Variants in TERF2 observed in about 807,000 individuals in gnomAD.
The protein encoded by TERF2 is telomeric repeat-binding factor 2.
Under a neutral mutation model 56.1 loss-of-function variants are expected in TERF2, and 16 were observed. The ratio of observed to expected loss-of-function variants is 0.29; its 90% confidence interval spans 0.19 to 0.43. The LOEUF is 0.43. TERF2 is among the 20% of genes least tolerant of loss of function. TERF2 has a pLI of 1.00. For synonymous variants in TERF2, 296 were observed against 282.1 expected, an observed-to-expected ratio of 1.05 and a Z score of -0.50; for missense variants, 547 against 712.9, an observed-to-expected ratio of 0.77 and a Z score of 2.65.
intron 5 of TERF2, among the ~76,000 whole-genome samples, chr16:69,369,906 G>A (rs368228858): frequency 3.9e-5 from 6 of 152,262 alleles, no homozygotes; most frequent in Admixed American, 1.3e-4. Context: ...AACCACCATC[G>A]ATTGCAAGTG....
intron 1 of TERF2, 44 bp from the exon 2 acceptor site, chr16:69,385,530 C>T: frequency 6.2e-7 from 1 of 1,612,216 alleles, no homozygotes; most frequent in Non-Finnish European, 8.5e-7. Context: ...CCAGTCCCGA[C>T]TCCCGGTCCC....
At chr16:69,378,805 T>C (rs1472796992) in intron 3 of TERF2, among the ~76,000 whole-genome samples, 1 of 152,192 alleles carries the variant, frequency 6.6e-6, no homozygotes, top group Non-Finnish European at 1.5e-5. Flanking sequence ...TTACTCTATG[T>C]TCTCCAGAAT....
At chr16:69,371,550 G>A (rs1294837910) in intron 4 of TERF2, among the ~76,000 whole-genome samples, 1 of 147,144 alleles carries the variant, frequency 6.8e-6, no homozygotes, top group African/African-American at 2.5e-5. Flanking sequence ...TGGGCATGAT[G>A]ATTCACGTAA....
intron 3 of TERF2, among the ~76,000 whole-genome samples, chr16:69,378,941 A>T (rs1050448631): frequency 1.4e-5 from 2 of 142,870 alleles, no homozygotes; most frequent in Non-Finnish European, 3.0e-5. Flanking sequence ...ACTATGTATT[A>T]ATTTCCTGTG....
At chr16:69,374,960 G>A (rs530711793) in intron 3 of TERF2, among the ~76,000 whole-genome samples, 14 of 152,164 alleles carry the variant, frequency 9.2e-5, no homozygotes, top group African/African-American at 2.9e-4. Context: ...GTGAGACTCC[G>A]TCTCAAAAAA....
intron 4 of TERF2, 75 bp from the exon 5 acceptor site, chr16:69,370,704 A>G: frequency 7.0e-7 from 1 of 1,427,510 alleles, no homozygotes; most frequent in Non-Finnish European, 9.5e-7. Context: ...GAGGTGAGAC[A>G]GACACTATGA....
chr16:69,382,085 G>T (rs567374970), intron 3 of TERF2, among the ~76,000 whole-genome samples: 2 of 152,262 alleles, frequency 1.3e-5, no homozygotes, highest in South Asian at 4.1e-4. Context: ...AAATGCCAAT[G>T]CATTGAAAAA....
At chr16:69,379,008 G>A (rs1192906179) in intron 3 of TERF2, among the ~76,000 whole-genome samples, 1 of 151,886 alleles carries the variant, frequency 6.6e-6, no homozygotes, top group African/African-American at 2.4e-5. Context: ...GTTCCCAGAA[G>A]TAAGTATAGT....
At chr16:69,360,158 G>A (rs1336707779) in intron 8 of TERF2, among the ~76,000 whole-genome samples, 9 of 151,972 alleles carry the variant, frequency 5.9e-5, no homozygotes, top group African/African-American at 2.2e-4. Flanking sequence ...AGGCTGAGGC[G>A]AGCAGATCAC....
At chr16:69,372,877 G>A (rs2013629600) in intron 3 of TERF2, among the ~76,000 whole-genome samples, 1 of 152,088 alleles carries the variant, frequency 6.6e-6, no homozygotes, top group African/African-American at 2.4e-5. Flanking sequence ...TTACATGGCT[G>A]ATAGAGCAAA....
intron 8 of TERF2, among the ~76,000 whole-genome samples, chr16:69,358,629 A>T (rs1426534711): frequency 6.6e-6 from 1 of 152,230 alleles, no homozygotes; most frequent in African/African-American, 2.4e-5. Context: ...TGTGACTTAC[A>T]CAAACCTAGA....
chr16:69,367,863 G>C (rs952003730), intron 6 of TERF2, among the ~76,000 whole-genome samples: 1 of 152,190 alleles, frequency 6.6e-6, no homozygotes, highest in Non-Finnish European at 1.5e-5. Flanking sequence ...CTGAGCACCT[G>C]AAGCCTGAGC....
At chr16:69,383,252 A>G (rs2014070565) in intron 3 of TERF2, among the ~76,000 whole-genome samples, 1 of 152,164 alleles carries the variant, frequency 6.6e-6, no homozygotes, top group South Asian at 2.1e-4. Flanking sequence ...GGCACTCAAA[A>G]AGTTTCAGAT....
chr16:69,372,693 C>G (rs2013621573), intron 3 of TERF2, among the ~76,000 whole-genome samples: 1 of 152,044 alleles, frequency 6.6e-6, no homozygotes, highest in Non-Finnish European at 1.5e-5. Context: ...ACCTGGGACG[C>G]AGAGGTTGCA....
In TERF2 at chr16:69,384,654, G is replaced by A; in HGVS notation, c.532C>T (p.Leu178=). ...LTPLESAINV[L]EMIKTEFTLT... is the part of the protein sequence containing the mutation. ...GTAAATTCCGTTTTAATCATCTCCA[G>A]CACATTGATAGCTGATTCCAGTGGT... Residue 178 remains leucine (L), a synonymous_variant, in exon 3 of 10, where the codon CTG becomes TTG. Coordinates refer to ENST00000254942, the MANE Select transcript of TERF2 (RefSeq NM_005652.5). 6.2e-7 allele frequency: 1 copy of A among 1,614,076 alleles called. No homozygotes were observed. Among genetic ancestry groups the A allele is most frequent in the Admixed American group, 1.7e-5 (1 of 60,012 alleles).
intron 8 of TERF2, among the ~76,000 whole-genome samples, chr16:69,358,729 G>A (rs2013014719): frequency 6.6e-6 from 1 of 152,132 alleles, no homozygotes; most frequent in South Asian, 2.1e-4. Flanking sequence ...CTAACAACAT[G>A]GCTTTCTCAA....
At chr16:69,368,279 G>A (rs1388242871) in intron 6 of TERF2, 97 bp downstream of exon 6, 28 of 1,101,678 alleles carry the variant, frequency 2.5e-5, no homozygotes, top group Admixed American at 6.1e-5. Context: ...TTAGTAGGTC[G>A]GAGTGCTGAG....
At chr16:69,372,772 C>A (rs1567451110) in intron 3 of TERF2, among the ~76,000 whole-genome samples, 4 of 151,962 alleles carry the variant, frequency 2.6e-5, no homozygotes. Flanking sequence ...TCAAAAAAAA[C>A]AAACAAACAA....
chr16:69,366,693 C>G, intron 7 of TERF2, 114 bp downstream of exon 7: 1 of 1,359,130 alleles, frequency 7.4e-7, no homozygotes. Context: ...GCAGTCTGAG[C>G]AAGCCTTGGT....
Sources: gnomAD v4.1 joint callset for allele counts (sites outside exome capture counted in the v4.1 genomes callset) on GRCh38, gnomAD v4.1.1 for gene constraint, MANE v1.5 for transcripts, NCBI Gene and HGNC (gene_info 2026-07-23, HGNC 2026-07-21) for gene names.